The following NDUFAF7 variants were observed in gnomAD, a reference collection of about 807,000 sequenced individuals.
NDUFAF7 encodes the protein protein arginine methyltransferase NDUFAF7, mitochondrial.
Under a neutral mutation model 47.2 loss-of-function variants are expected in NDUFAF7, and 48 were observed. The ratio of observed to expected loss-of-function variants is 1.02; its 90% CI spans 0.81 to 1.29. The LOEUF is 1.29. NDUFAF7 is among the 50% of genes most tolerant of loss of function. The probability of loss-of-function intolerance (pLI) is 0.00; values close to 1 mark genes in which losing one functional copy is unlikely to be tolerated. For missense variants in NDUFAF7, 635 were observed against 537.6 expected, an observed-to-expected ratio of 1.18 and a Z score of -1.79; for synonymous variants, 217 against 190.0, an observed-to-expected ratio of 1.14 and a Z score of -1.17.
Position 37,242,747 on chromosome 2 carries a change from T to C in NDUFAF7, c.681+54T>C, listed in dbSNP as rs1666486309. ...ATAATTGAATACAAAAGGCATTGTGTTGCCAATGTTTATGGTATTTATTCA... is the reference window on the plus strand; with the variant it reads ...ATAATTGAATACAAAAGGCATTGTGCTGCCAATGTTTATGGTATTTATTCA... On this transcript the variant is annotated intron_variant, in intron 6 of 9. Coordinates refer to ENST00000002125, the MANE Select transcript of NDUFAF7 (RefSeq NM_144736.5). The C allele has an allele frequency of 2.3e-6, 3 of 1,325,198 alleles. No individual in the cohort carries two copies. In the East Asian group the frequency reaches 6.9e-5, roughly 31 times the overall value. 82.1% of individuals were successfully genotyped at this position (1,325,198 alleles called of 1,614,324 possible).
chr2:37,269,721 A>T, the NDUFAF7 span: 19 of 1,437,482 alleles, frequency 1.3e-5, no homozygotes, highest in East Asian at 4.3e-4. Flanking sequence ...AGTATTATTT[A>T]TTTCTATAAT....
At chr2:37,267,552 G>A in the NDUFAF7 span, 1 of 1,552,432 alleles carries the variant, frequency 6.4e-7, no homozygotes, top group African/African-American at 1.4e-5. Flanking sequence ...AAGAAAAAAA[G>A]AAGAGGAACG....
chr2:37,247,554 G>A lies in NDUFAF7; in HGVS notation c.1035G>A (p.Gln345=). The change falls in exon 9 of 10, where the codon CAG becomes CAA. Residue 345 remains glutamine, a synonymous_variant. Coordinates refer to ENST00000002125, the MANE Select transcript of NDUFAF7 (RefSeq NM_144736.5). ...VDFSYLRRMA[Q]GKVASLGPIK... ...TCAGTTATTTGCGAAGAATGGCACAGGGAAAAGTAGCCTCTCTGGGCCCAA... is the reference window on the plus strand; with the variant it reads ...TCAGTTATTTGCGAAGAATGGCACAAGGAAAAGTAGCCTCTCTGGGCCCAA... 1 of 1,614,068 alleles carries A rather than the reference G, an allele frequency of 6.2e-7. No individual in the cohort carries two copies. Among genetic ancestry groups the A allele is most frequent in the Non-Finnish European group, 8.5e-7 (1 of 1,180,000 alleles).
At chr2:37,268,241 G>T in the NDUFAF7 span, 45 of 456,718 alleles carry the variant, frequency 9.9e-5, no homozygotes, top group South Asian at 6.8e-4. Context: ...TGGCACAATC[G>T]TAAGTCTACT....
Position 37,248,628 on chromosome 2 carries a change from C to T in NDUFAF7, c.*278C>T. 2 of 406,722 alleles carry T rather than the reference C, an allele frequency of 4.9e-6. No individual in the cohort carries two copies. The highest frequency in any genetic ancestry group is 9.2e-6 in the Non-Finnish European group (2 of 216,688). 25.2% of individuals were successfully genotyped at this position (406,722 alleles called of 1,614,324 possible). A position where few individuals can be genotyped will look rare whatever the true frequency, so the allele number is the denominator to read the frequency against. On this transcript the variant is annotated 3_prime_UTR_variant, in exon 10 of 10. Transcript: ENST00000002125. ...TTTCTATTTTATTTTAAAAAGTAAACATGCGGCTGGGCGTGGTGGCTCATG... is the reference window on the plus strand; with the variant it reads ...TTTCTATTTTATTTTAAAAAGTAAATATGCGGCTGGGCGTGGTGGCTCATG...
rs1272105519 is a variant in NDUFAF7 at position 37,241,724 on chromosome 2, T to C, written c.555T>C (p.Tyr185=). ...AGCGAAATGCTGGATCCCCAGTGTA[T>C]ATGAAAGGTGTCACTAAGTCTGGGA... The part of the protein sequence containing the change: ...PLERNAGSPV[Y]MKGVTKSGIP... The change falls in exon 5 of 10, where the codon TAT becomes TAC. Residue 185 remains tyrosine (Y), a synonymous_variant. Transcript: ENST00000002125. 1 of 1,613,896 alleles carries C rather than the reference T, an allele frequency of 6.2e-7. No homozygotes were observed. Among genetic ancestry groups the C allele is most frequent in the East Asian group, 2.2e-5 (1 of 44,862 alleles).
chr2:37,258,867 TATATAAACAATA>T, the NDUFAF7 span, among the ~76,000 whole-genome samples: 3 of 152,202 alleles, frequency 2.0e-5, no homozygotes, highest in African/African-American at 7.2e-5. Context: ...GTTTCAAATG[TATATAAACAATA>T]GTTTGGCAAC....
chr2:37,247,582 AAAC>A lies in NDUFAF7; in HGVS notation c.1068_1070del (p.Gln356del). ...AAAAGTAGCCTCTCTGGGCCCAATA[AAAC>A]AACACACATTTTTAAAAAATATGGG... is the stretch of plus-strand genomic sequence containing the variant. On this transcript the variant is annotated inframe_deletion, in exon 9 of 10. Coordinates refer to ENST00000002125, the MANE Select transcript of NDUFAF7 (RefSeq NM_144736.5). 6.2e-7 allele frequency: 1 copy of A among 1,614,072 alleles called. No individual in the cohort carries two copies. Among genetic ancestry groups the A allele is most frequent in the South Asian group, 1.1e-5 (1 of 91,084 alleles).
At chr2:37,253,468 G>A (rs1381233426), downstream of NDUFAF7, 5 of 783,826 alleles carry the variant, frequency 6.4e-6, no homozygotes, top group South Asian at 4.2e-5. Flanking sequence ...ATTGACAGGC[G>A]CTACTCATAA....
chr2:37,258,873 A>C, the NDUFAF7 span, among the ~76,000 whole-genome samples: 1 of 152,182 alleles, frequency 6.6e-6, no homozygotes, highest in Non-Finnish European at 1.5e-5. Context: ...AATGTATATA[A>C]ACAATAGTTT....
At chr2:37,250,783 T>A (rs1199662241), downstream of NDUFAF7, 2 of 152,524 alleles carry the variant, frequency 1.3e-5, no homozygotes, top group African/African-American at 4.8e-5. Flanking sequence ...CAAAAAAATA[T>A]TAAAAATGTA....
chr2:37,270,351 G>GA, the NDUFAF7 span, among the ~76,000 whole-genome samples: 107,157 of 140,694 alleles, frequency 0.76, 40,808 homozygotes, highest in African/African-American at 0.82. Flanking sequence ...TTGATTTTTG[G>GA]AAAAAAAAAA....
chr2:37,267,346 T>TTA, the NDUFAF7 span: 11 of 784,474 alleles, frequency 1.4e-5, no homozygotes, highest in African/African-American at 2.1e-4. Flanking sequence ...TTTGCCTTCT[T>TTA]AAAAAAAAAA....
At chr2:37,269,007 C>G in the NDUFAF7 span, 1 of 153,624 alleles carries the variant, frequency 6.5e-6, no homozygotes, top group Non-Finnish European at 1.4e-5. Context: ...ACTACTGTAC[C>G]AAGTCTTAGC....
intron 4 of NDUFAF7, among the ~76,000 whole-genome samples, chr2:37,241,184 G>T (rs1572550680): frequency 6.6e-6 from 1 of 152,000 alleles, no homozygotes; most frequent in East Asian, 1.9e-4. Context: ...GTTCTTTGAG[G>T]TTAGAGTTCT....
At chr2:37,239,210 C>G (rs1169627596) in intron 4 of NDUFAF7, among the ~76,000 whole-genome samples, 1 of 151,600 alleles carries the variant, frequency 6.6e-6, no homozygotes, top group African/African-American at 2.4e-5. Flanking sequence ...CCTCTGCCTC[C>G]CAGGTTCAGG....
chr2:37,267,651 T>G, the NDUFAF7 span: 1 of 820,376 alleles, frequency 1.2e-6, no homozygotes. Flanking sequence ...TTGGCTCATT[T>G]TTGTTCTTTC....
At chr2:37,237,572 T>A (rs1665926842) in intron 3 of NDUFAF7, among the ~76,000 whole-genome samples, 185 bp from the exon 4 acceptor site, 1 of 152,250 alleles carries the variant, frequency 6.6e-6, no homozygotes, top group Admixed American at 6.5e-5. Flanking sequence ...CTAAATGGTG[T>A]ATGTTATGAT....
the NDUFAF7 span, among the ~76,000 whole-genome samples, chr2:37,261,087 T>C: frequency 1.3e-5 from 2 of 152,254 alleles, no homozygotes; most frequent in Non-Finnish European, 2.9e-5. Flanking sequence ...TAAATTCCTT[T>C]GTCAACATTT....
Sources: gnomAD v4.1 joint callset for allele counts (sites outside exome capture counted in the v4.1 genomes callset) on GRCh38, gnomAD v4.1.1 for gene constraint, MANE v1.5 for transcripts, NCBI Gene and HGNC (gene_info 2026-07-23, HGNC 2026-07-21) for gene names.